The following SLC25A21 variants were observed in gnomAD, a reference collection of about 807,000 sequenced individuals.
SLC25A21 encodes mitochondrial 2-oxodicarboxylate carrier.
A neutral mutation model predicts 43.8 loss-of-function variants in SLC25A21; 47 were observed. The ratio of observed to expected loss-of-function variants is 1.07; its 90% CI spans 0.85 to 1.37. The LOEUF (loss-of-function observed/expected upper bound fraction) is 1.37. SLC25A21 is among the 40% of genes most tolerant of loss of function. SLC25A21 has a pLI of 0.00. For missense variants in SLC25A21, 352 were observed against 350.2 expected (o/e 1.00, Z -0.04); for synonymous variants, 131 against 121.3 (o/e 1.08, Z -0.52).
chr14:36,680,189 A>G lies in SLC25A21; in HGVS notation c.*469T>C, dbSNP rs1882157111. On this transcript the variant is annotated 3_prime_UTR_variant, in exon 10 of 10. Transcript: ENST00000331299. ...GTGCTCTTTAAATATTATTTATGGA[A>G]TAATTTAATTCATTATAAAAACTGC... is the stretch of plus-strand genomic sequence containing the variant. The G allele has an allele frequency of 1.2e-6, 1 of 838,472 alleles. No individual in the cohort carries two copies. Among genetic ancestry groups the G allele is most frequent in the African/African-American group, 1.9e-5 (1 of 54,008 alleles). 51.9% of individuals were successfully genotyped at this position (838,472 alleles called of 1,614,324 possible).
chr14:36,859,615 A>T (rs2138529120), intron 2 of SLC25A21, among the ~76,000 whole-genome samples: 1 of 152,322 alleles, frequency 6.6e-6, no homozygotes, highest in African/African-American at 2.4e-5. Context: ...GTTTGTAGGT[A>T]TCAGAATAAG....
Position 36,763,797 on chromosome 14 carries a change from G to A in SLC25A21, c.204-29224C>T, listed in dbSNP as rs545034270. On this transcript the variant is annotated intron_variant, in intron 3 of 9. Transcript: ENST00000331299. Reference sequence around the variant, plus strand: ...TGTAATCCGAGCACTTTAGGAGGCCGAAGCAGGTGGATCACAAGGTCAGGA... The same window carrying A: ...TGTAATCCGAGCACTTTAGGAGGCCAAAGCAGGTGGATCACAAGGTCAGGA... 5.9e-5 allele frequency among the ~76,000 whole-genome samples: 9 copies of A among 151,826 alleles called. 1 individual carries two copies. The South Asian group carries it at 8.3e-4, about 14-fold the overall frequency.
At chr14:36,715,313 A>T (rs1220624659) in intron 6 of SLC25A21, among the ~76,000 whole-genome samples, 1 of 152,242 alleles carries the variant, frequency 6.6e-6, no homozygotes. Flanking sequence ...TTTAATTAGA[A>T]AGGCAAAACA....
At chr14:37,042,434 A>G (rs1961493263) in intron 1 of SLC25A21, among the ~76,000 whole-genome samples, 1 of 152,188 alleles carries the variant, frequency 6.6e-6, no homozygotes, top group African/African-American at 2.4e-5. Flanking sequence ...GATGTCTAAC[A>G]ATTTTCAAAG....
At chr14:37,019,235 G>A (rs985033988) in intron 1 of SLC25A21, among the ~76,000 whole-genome samples, 2 of 151,842 alleles carry the variant, frequency 1.3e-5, no homozygotes, top group African/African-American at 4.8e-5. Flanking sequence ...CCTCTTCTCA[G>A]TTGCTCAGAC....
intron 1 of SLC25A21, among the ~76,000 whole-genome samples, chr14:37,010,805 T>A (rs1381948073): frequency 6.6e-6 from 1 of 152,122 alleles, no homozygotes; most frequent in Admixed American, 6.6e-5. Flanking sequence ...AGTGCAGTGG[T>A]GTAATGAGAG....
chr14:36,757,456 T>G (rs907890003), intron 3 of SLC25A21, among the ~76,000 whole-genome samples: 3 of 152,174 alleles, frequency 2.0e-5, no homozygotes, highest in Admixed American at 6.6e-5. Context: ...CTCATTTTCT[T>G]CTGGAAATTA....
At chr14:37,086,023 C>T (rs950004077) in intron 1 of SLC25A21, among the ~76,000 whole-genome samples, 5 of 152,012 alleles carry the variant, frequency 3.3e-5, no homozygotes, top group South Asian at 2.1e-4. Context: ...GAGAATGGCG[C>T]GAACCCAGGA....
At chr14:36,827,077 G>A (rs1157676040) in intron 2 of SLC25A21, among the ~76,000 whole-genome samples, 2 of 152,272 alleles carry the variant, frequency 1.3e-5, no homozygotes, top group South Asian at 2.1e-4. Context: ...TGTTTGTTTT[G>A]TGGATTGTGT....
intron 1 of SLC25A21, among the ~76,000 whole-genome samples, chr14:37,083,799 C>T (rs984822620): frequency 6.6e-6 from 1 of 152,158 alleles, no homozygotes; most frequent in African/African-American, 2.4e-5. Flanking sequence ...GTGACTCTTA[C>T]GCATGCTGAA....
At chr14:36,874,002 A>G (rs1372782233) in intron 2 of SLC25A21, among the ~76,000 whole-genome samples, 1 of 152,162 alleles carries the variant, frequency 6.6e-6, no homozygotes, top group African/African-American at 2.4e-5. Flanking sequence ...GCTCCATCTA[A>G]GACAGAGGCC....
At chr14:37,042,781 C>A (rs924784812) in intron 1 of SLC25A21, among the ~76,000 whole-genome samples, 11 of 152,164 alleles carry the variant, frequency 7.2e-5, no homozygotes, top group Non-Finnish European at 1.2e-4. Context: ...AATGGGTCCA[C>A]GCTAACCAAG....
chr14:36,871,455 A>G (rs1441915658), intron 2 of SLC25A21, among the ~76,000 whole-genome samples: 1 of 152,210 alleles, frequency 6.6e-6, no homozygotes, highest in Non-Finnish European at 1.5e-5. Flanking sequence ...ACAGATGAAC[A>G]TACCCAGTTG....
intron 1 of SLC25A21, among the ~76,000 whole-genome samples, chr14:37,013,751 C>T (rs896659117): frequency 1.3e-5 from 2 of 152,044 alleles, no homozygotes; most frequent in African/African-American, 4.8e-5. Flanking sequence ...CTTATTCTTT[C>T]CTACTGCCTT....
chr14:36,931,813 G>A (rs906772927), intron 1 of SLC25A21, among the ~76,000 whole-genome samples: 7 of 152,118 alleles, frequency 4.6e-5, no homozygotes, highest in Non-Finnish European at 7.4e-5. Context: ...ACTAGGAGGT[G>A]TCTCAGAATT....
rs551543165 is a variant in SLC25A21 at position 36,910,278 on chromosome 14, C to T, written c.71-35274G>A. 1.0e-3 allele frequency among the ~76,000 whole-genome samples: 156 copies of T among 152,236 alleles called. 1 individual carries two copies. In the Middle Eastern group the frequency reaches 0.014, roughly 13 times the overall value. Reference sequence around the variant, plus strand: ...ATTGGGTCGTTCTTTCATTGAATGACCTCTATTACTTAGCGTCTATAAAGT... The same window carrying T: ...ATTGGGTCGTTCTTTCATTGAATGATCTCTATTACTTAGCGTCTATAAAGT... On this transcript the variant is annotated intron_variant, in intron 1 of 9. Transcript: ENST00000331299.
At chr14:36,910,514 A>G (rs1236587891) in intron 1 of SLC25A21, among the ~76,000 whole-genome samples, 1 of 152,164 alleles carries the variant, frequency 6.6e-6, no homozygotes, top group Non-Finnish European at 1.5e-5. Flanking sequence ...TTGGATGAGA[A>G]AAAAATAGTG....
At chr14:36,985,985 T>C (rs965730102) in intron 1 of SLC25A21, among the ~76,000 whole-genome samples, 1 of 152,162 alleles carries the variant, frequency 6.6e-6, no homozygotes, top group Non-Finnish European at 1.5e-5. Context: ...TACTATTTAA[T>C]ATAAGACACT....
intron 1 of SLC25A21, among the ~76,000 whole-genome samples, chr14:37,009,846 T>C (rs1225533216): frequency 6.6e-6 from 1 of 152,162 alleles, no homozygotes; most frequent in African/African-American, 2.4e-5. Flanking sequence ...ATTCTCATTA[T>C]AGAGAGTGGG....
Sources: allele counts gnomAD v4.1 joint callset (sites outside exome capture counted in the v4.1 genomes callset), GRCh38; gene constraint gnomAD v4.1.1; transcripts MANE v1.5; gene names NCBI Gene and HGNC (gene_info 2026-07-23, HGNC 2026-07-21).